The following ZGRF1 variants were observed in gnomAD, a reference collection of about 807,000 sequenced individuals.
ZGRF1 encodes the protein zinc finger GRF-type containing 1.
In ZGRF1, 196 loss-of-function variants were observed where a neutral mutation model predicts 203.5. That is an observed-to-expected ratio of 0.96 (90% CI 0.86 to 1.08). The LOEUF is 1.08. Ranked by LOEUF, ZGRF1 falls within the 50% of genes least tolerant of loss-of-function variation. The pLI, the probability that ZGRF1 is intolerant of heterozygous loss-of-function variation, is 0.00. For missense variants in ZGRF1, 2,326 were observed against 2,416.3 expected, an observed-to-expected ratio of 0.96 and a Z score of 0.78; for synonymous variants, 809 against 841.3, an observed-to-expected ratio of 0.96 and a Z score of 0.66.
intron 4 of ZGRF1, 112 bp from the exon 5 acceptor site, chr4:112,620,302 C>T (rs564376127): frequency 6.0e-5 from 38 of 632,396 alleles, no homozygotes; most frequent in South Asian, 5.3e-4. Context: ...AGGTGTTGAA[C>T]GAATAAATCA....
chr4:112,619,049 TA>T lies in ZGRF1; in HGVS notation c.992del (p.Leu331TyrfsTer13), dbSNP rs1162788137. The T allele has an allele frequency of 8.7e-6, 14 of 1,613,952 alleles. No homozygotes were observed. Among genetic ancestry groups the T allele is most frequent in the Non-Finnish European group, 1.2e-5 (14 of 1,179,978 alleles). On this transcript the variant is annotated frameshift_variant, in exon 6 of 28. Transcript: ENST00000505019. LOFTEE classifies it high-confidence loss of function. ...MRNKSRWAMY[L>X]SSQSSPIHSS... ...AATGTATAGGTGAACTCTGTGAGGA[TA>T]AATACATGGCCCACCGGCTTTTATT...
chr4:112,562,554 T>C, intron 17 of ZGRF1, 69 bp from the exon 18 acceptor site: 2 of 909,778 alleles, frequency 2.2e-6, no homozygotes. Flanking sequence ...CTGTGTTAAA[T>C]GCCCACATAA....
intron 16 of ZGRF1, among the ~76,000 whole-genome samples, chr4:112,568,548 T>A (rs932760051): frequency 1.3e-5 from 2 of 149,798 alleles, no homozygotes; most frequent in African/African-American, 4.9e-5. Flanking sequence ...GTGTCTCTAC[T>A]ACAAATAAAA....
chr4:112,541,140 C>G lies in ZGRF1; in HGVS notation c.5727G>C (p.Leu1909Phe). The change falls in exon 25 of 28, where the codon TTG (leucine) becomes TTC (phenylalanine). Residue 1909 changes from leucine to phenylalanine, a missense_variant. Leu to Phe is a conservative substitution (Grantham distance 22, BLOSUM62 0). Transcript: ENST00000505019. ...AAAAACACAGGGTTGGTAGCCATTC[C>G]AATAAAGGGCTCCGCTCTATTTCTG... is the stretch of plus-strand genomic sequence containing the variant. ...GVTEIERSPLLEWLPTLCFYN... is the reference protein window; with the variant it reads ...GVTEIERSPLFEWLPTLCFYN... 2.5e-6 allele frequency: 4 copies of G among 1,608,360 alleles called. No homozygotes were observed. Among genetic ancestry groups the G allele is most frequent in the Admixed American group, 3.4e-5 (2 of 59,220 alleles).
In ZGRF1 at chr4:112,547,389, T is replaced by G; in HGVS notation, c.5494A>C (p.Ile1832Leu). 6.2e-7 allele frequency: 1 copy of G among 1,611,704 alleles called. No individual in the cohort carries two copies. The highest frequency in any genetic ancestry group is 1.1e-5 in the South Asian group (1 of 90,498). Residue 1832 changes from isoleucine (I) to leucine (L), a missense_variant, in exon 24 of 28, where the codon ATT becomes CTT. Transcript: ENST00000505019. Reference protein sequence around the residue: ...PIARFECEKLILVGDPKQLPP... With the variant: ...PIARFECEKLLLVGDPKQLPP... ...AGCTGTTTGGGATCCCCAACAAGAA[T>G]CAGCTTTTCACACTCAAACCTAAAA...
intron 16 of ZGRF1, among the ~76,000 whole-genome samples, chr4:112,570,719 A>G (rs1255755856): frequency 6.6e-6 from 1 of 152,222 alleles, no homozygotes; most frequent in African/African-American, 2.4e-5. Context: ...TTTAATATTA[A>G]AACACATGCT....
At chr4:112,621,597 G>A (rs2047061128) in intron 4 of ZGRF1, among the ~76,000 whole-genome samples, 1 of 149,476 alleles carries the variant, frequency 6.7e-6, no homozygotes, top group Non-Finnish European at 1.5e-5. Flanking sequence ...AGGTTGCGGT[G>A]AGGTGAGATC....
intron 8 of ZGRF1, among the ~76,000 whole-genome samples, chr4:112,607,617 G>T (rs1388378229): frequency 6.6e-6 from 1 of 152,140 alleles, no homozygotes; most frequent in Non-Finnish European, 1.5e-5. Flanking sequence ...TACATAAAGA[G>T]GTTGTTTCAG....
intron 22 of ZGRF1, among the ~76,000 whole-genome samples, chr4:112,550,972 C>T (rs1222472388): frequency 6.6e-6 from 1 of 152,196 alleles, no homozygotes; most frequent in East Asian, 1.9e-4. Flanking sequence ...AAGCTCCATT[C>T]ATGGTCAGTT....
chr4:112,564,202 T>C (rs1742564944), intron 16 of ZGRF1, among the ~76,000 whole-genome samples: 2 of 152,188 alleles, frequency 1.3e-5, no homozygotes, highest in East Asian at 1.9e-4. Flanking sequence ...AATCACAAAA[T>C]AGTAATATAC....
At position 112,618,212 on chromosome 4, in the gene ZGRF1, T is replaced by C; in HGVS notation, c.1830A>G (p.Pro610=). 1 of 1,613,874 alleles carries C rather than the reference T, an allele frequency of 6.2e-7. No homozygotes were observed. Among genetic ancestry groups the C allele is most frequent in the Admixed American group, 1.7e-5 (1 of 59,988 alleles). ...TVTFPVKETL[P]SQFCDKTYVG... ...CATAAGTTTTATCACAAAACTGTGA[T>C]GGCAGAGTCTCTTTAACAGGAAATG... The change falls in exon 6 of 28, where the codon CCA becomes CCG. Residue 610 remains proline (P), a synonymous_variant. Coordinates refer to ENST00000505019, the MANE Select transcript of ZGRF1 (RefSeq NM_018392.5).
At chr4:112,594,987 T>C (rs1748752969) in intron 10 of ZGRF1, among the ~76,000 whole-genome samples, 1 of 151,980 alleles carries the variant, frequency 6.6e-6, no homozygotes, top group Admixed American at 6.5e-5. Context: ...ACGCCTGTAA[T>C]CCCTAGCACT....
chr4:112,541,533 TG>T (rs1201944344), intron 24 of ZGRF1, among the ~76,000 whole-genome samples: 4 of 137,880 alleles, frequency 2.9e-5, no homozygotes, highest in Non-Finnish European at 3.1e-5. Context: ...TTTTTTGTTT[TG>T]TTTTTTTTTT....
Position 112,618,451 on chromosome 4 carries a change from T to C in ZGRF1, c.1591A>G (p.Thr531Ala), listed in dbSNP as rs2046957923. The change falls in exon 6 of 28, where the codon ACT (threonine) becomes GCT (alanine). Residue 531 changes from threonine to alanine, a missense_variant. Transcript: ENST00000505019. ...SNVTQPFLEV[T>A]FNLNNFETSD... is the part of the protein sequence containing the mutation. ...GTCTCAAAATTGTTCAGATTAAAAGTTACCTCCAAAAATGGTTGTGTTACA... is the reference window on the plus strand; with the variant it reads ...GTCTCAAAATTGTTCAGATTAAAAGCTACCTCCAAAAATGGTTGTGTTACA... The C allele has an allele frequency of 6.2e-7, 1 of 1,613,752 alleles. No homozygotes were observed. The highest frequency in any genetic ancestry group is 1.3e-5 in the African/African-American group (1 of 75,050).
Position 112,587,658 on chromosome 4 carries a change from C to G in ZGRF1, c.3399G>C (p.Gly1133=), listed in dbSNP as rs1488835052. 1.2e-6 allele frequency: 2 copies of G among 1,613,616 alleles called. No homozygotes were observed. The highest frequency in any genetic ancestry group is 8.5e-7 in the Non-Finnish European group (1 of 1,179,788). ...TAGATATATTATTAAGTGAAACATC[C>G]CCTGGATTCACTTCCCTAGATTCTT... is the stretch of plus-strand genomic sequence containing the variant. ...FSEESREVNP[G]DVSLNNISTQ... The change falls in exon 12 of 28, where the codon GGG becomes GGC. Residue 1133 remains glycine (G), a synonymous_variant. Transcript: ENST00000505019.
intron 6 of ZGRF1, 105 bp downstream of exon 6, chr4:112,617,335 A>T (rs2046913663): frequency 1.3e-6 from 1 of 793,624 alleles, no homozygotes; most frequent in African/African-American, 1.8e-5. Flanking sequence ...TACCTATTTA[A>T]ACACTATGTA....
At chr4:112,612,246 G>A (rs2149129821) in intron 7 of ZGRF1, among the ~76,000 whole-genome samples, 1 of 152,222 alleles carries the variant, frequency 6.6e-6, no homozygotes, top group African/African-American at 2.4e-5. Context: ...GATTACAGGC[G>A]TGAGCCTCCA....
At chr4:112,615,907 T>C (rs1368657421) in intron 6 of ZGRF1, among the ~76,000 whole-genome samples, 1 of 152,154 alleles carries the variant, frequency 6.6e-6, no homozygotes, top group Non-Finnish European at 1.5e-5. Flanking sequence ...AGTGCTGGGA[T>C]TACAGGCATG....
At chr4:112,623,746 TATTC>T in intron 4 of ZGRF1, 67 bp downstream of exon 4, 4 of 752,886 alleles carry the variant, frequency 5.3e-6, no homozygotes, top group Non-Finnish European at 9.0e-6. Flanking sequence ...ACACTAACAA[TATTC>T]ATAAAGGAGG....
Sources: allele counts gnomAD v4.1 joint callset (sites outside exome capture counted in the v4.1 genomes callset), GRCh38; gene constraint gnomAD v4.1.1; transcripts MANE v1.5; gene names NCBI Gene and HGNC (gene_info 2026-07-23, HGNC 2026-07-21).